The following CNTNAP4 variants were observed in gnomAD, a reference collection of about 807,000 sequenced individuals.
The protein encoded by CNTNAP4 is contactin-associated protein-like 4.
CNTNAP4 carries 98 observed loss-of-function variants against 148.4 expected under a neutral mutation model. The ratio of observed to expected loss-of-function variants is 0.66; its 90% confidence interval spans 0.56 to 0.78. The LOEUF (loss-of-function observed/expected upper bound fraction) is 0.78. CNTNAP4 is among the 30% of genes least tolerant of loss of function. The pLI, the probability that CNTNAP4 is intolerant of heterozygous loss-of-function variation, is 0.00. For synonymous variants in CNTNAP4, 730 were observed against 565.1 expected (o/e 1.29, Z -4.14); for missense variants, 1,935 against 1,565.6 (o/e 1.24, Z -3.98).
intron 1 of CNTNAP4, among the ~76,000 whole-genome samples, chr16:76,298,018 C>T (rs1959496607): frequency 1.3e-5 from 2 of 152,096 alleles, no homozygotes; most frequent in Admixed American, 1.3e-4. Context: ...TATCTTCACC[C>T]GTCTCTTCAC....
chr16:76,535,772 T>C lies in CNTNAP4; in HGVS notation c.2983T>C (p.Phe995Leu), dbSNP rs1169993823. The change falls in exon 18 of 24, where the codon TTC (phenylalanine) becomes CTC (leucine). Residue 995 changes from phenylalanine to leucine, a missense_variant. Physicochemically the swap from Phe to Leu is conservative, Grantham distance 22. Transcript: ENST00000611870. ...CACTTTCTCTGCATACACAGGGCCA[T>C]TCTGCTCAAATGGTAAGTGTGGCAT... ...DCTFSAYTGP[F>L]CSNEISAYFG... 1 of 1,613,656 alleles carries C rather than the reference T, an allele frequency of 6.2e-7. No homozygotes were observed. Among genetic ancestry groups the C allele is most frequent in the African/African-American group, 1.3e-5 (1 of 75,062 alleles).
intron 2 of CNTNAP4, among the ~76,000 whole-genome samples, chr16:76,325,122 A>C (rs1242297936): frequency 6.6e-6 from 1 of 152,212 alleles, no homozygotes; most frequent in East Asian, 1.9e-4. Flanking sequence ...AGTTTTAAAA[A>C]TATGTAAAGG....
chr16:76,521,423 C>A (rs1051511228), intron 16 of CNTNAP4, 113 bp downstream of exon 16: 2 of 825,482 alleles, frequency 2.4e-6, no homozygotes, highest in East Asian at 2.8e-5. Flanking sequence ...CTTTTCATTG[C>A]GCCCCTTTGA....
In CNTNAP4 at chr16:76,540,755, G is replaced by A. The variant is rs1258835947; in HGVS notation, c.3407G>A (p.Ser1136Asn). ...QVHLSSGTEF[S>N]AVKSLVLGRI... ...CACCTGTCATCAGGCACAGAATTCA[G>A]TGCAGTCAAATCTCTGGTATTGGGC... The change falls in exon 21 of 24, where the codon AGT becomes AAT. Residue 1136 changes from serine (S) to asparagine (N), a missense_variant. Coordinates refer to ENST00000611870, the MANE Select transcript of CNTNAP4 (RefSeq NM_033401.5). The A allele has an allele frequency of 1.9e-6, 3 of 1,577,244 alleles. No homozygotes were observed. The Admixed American group carries it at 5.4e-5, about 29-fold the overall frequency.
chr16:76,463,534 T>C (rs988287905), intron 9 of CNTNAP4, among the ~76,000 whole-genome samples: 3 of 152,208 alleles, frequency 2.0e-5, no homozygotes, highest in Non-Finnish European at 2.9e-5. Flanking sequence ...ATACATATGA[T>C]ATACATCATC....
intron 3 of CNTNAP4, among the ~76,000 whole-genome samples, chr16:76,356,267 T>C (rs1399660592): frequency 6.6e-6 from 1 of 152,142 alleles, no homozygotes; most frequent in Non-Finnish European, 1.5e-5. Context: ...CTTTCTCTGG[T>C]ATATGGGGAT....
At chr16:76,428,192 T>C (rs1274296394) in intron 4 of CNTNAP4, among the ~76,000 whole-genome samples, 1 of 152,166 alleles carries the variant, frequency 6.6e-6, no homozygotes, top group Non-Finnish European at 1.5e-5. Flanking sequence ...TGAAGCATTT[T>C]ATTATATATA....
At chr16:76,455,002 A>C (rs1271935466) in intron 8 of CNTNAP4, among the ~76,000 whole-genome samples, 2 of 152,202 alleles carry the variant, frequency 1.3e-5, no homozygotes, top group South Asian at 2.1e-4. Context: ...TATCAGACTA[A>C]ATTTTTAATA....
chr16:76,309,943 G>A (rs1960918230), intron 1 of CNTNAP4: 1 of 700,142 alleles, frequency 1.4e-6, no homozygotes, highest in Non-Finnish European at 2.6e-6. Context: ...TCCCCGTCTC[G>A]GGTATGTCTT....
intron 2 of CNTNAP4, among the ~76,000 whole-genome samples, chr16:76,345,184 A>G (rs1440887090): frequency 6.6e-6 from 1 of 152,168 alleles, no homozygotes; most frequent in Non-Finnish European, 1.5e-5. Context: ...TAATGGATGC[A>G]GCAGTTGTGT....
intron 2 of CNTNAP4, among the ~76,000 whole-genome samples, chr16:76,346,973 A>G (rs1964954454): frequency 6.6e-6 from 1 of 152,196 alleles, no homozygotes; most frequent in Non-Finnish European, 1.5e-5. Context: ...GAACTAAAAC[A>G]GAAGACAATT....
chr16:76,277,592 C>T lies in CNTNAP4; in HGVS notation c.-71C>T. On this transcript the variant is annotated 5_prime_UTR_variant, in exon 1 of 24. Transcript: ENST00000611870. ...GAAGACCCAGACAGAGCTGGCAGAG[C>T]TACTGAGAAGAGGACTGGAGCGCTC... 1.0e-6 allele frequency: 1 copy of T among 1,001,450 alleles called. No individual in the cohort carries two copies. Among genetic ancestry groups the T allele is most frequent in the Admixed American group, 2.0e-5 (1 of 50,090 alleles). The allele number at this position is 1,001,450 out of a possible 1,614,324, so 62.0% of individuals were successfully genotyped here.
intron 3 of CNTNAP4, among the ~76,000 whole-genome samples, chr16:76,394,976 A>T (rs1174728186): frequency 1.3e-5 from 2 of 151,916 alleles, no homozygotes; most frequent in Non-Finnish European, 2.9e-5. Context: ...CTTTCTCCTG[A>T]TGGAGAATTA....
At chr16:76,375,700 A>G (rs1328722125) in intron 3 of CNTNAP4, among the ~76,000 whole-genome samples, 2 of 152,172 alleles carry the variant, frequency 1.3e-5, no homozygotes, top group Non-Finnish European at 2.9e-5. Context: ...GGTAGCAAAC[A>G]TCATGAACAC....
intron 3 of CNTNAP4, among the ~76,000 whole-genome samples, chr16:76,390,981 C>T (rs914398777): frequency 2.0e-5 from 3 of 152,124 alleles, no homozygotes; most frequent in Non-Finnish European, 2.9e-5. Context: ...GGTATCCATT[C>T]ACTCAAGCAC....
At chr16:76,409,379 A>G (rs2078712576) in intron 3 of CNTNAP4, among the ~76,000 whole-genome samples, 2 of 151,988 alleles carry the variant, frequency 1.3e-5, no homozygotes, top group Non-Finnish European at 2.9e-5. Flanking sequence ...AATATGTTTT[A>G]TAAAGTGACT....
intron 21 of CNTNAP4, among the ~76,000 whole-genome samples, chr16:76,550,079 G>A (rs1383299553): frequency 6.6e-6 from 1 of 152,174 alleles, no homozygotes; most frequent in Non-Finnish European, 1.5e-5. Flanking sequence ...GCCAGAAGAT[G>A]CTGGAATAAT....
At chr16:76,479,384 T>C (rs769416567) in intron 11 of CNTNAP4, 35 bp from the exon 12 acceptor site, 25 of 1,540,000 alleles carry the variant, frequency 1.6e-5, no homozygotes, top group Non-Finnish European at 2.1e-5. Flanking sequence ...ATTCATTTCA[T>C]GCTATTCCAT....
intron 3 of CNTNAP4, among the ~76,000 whole-genome samples, chr16:76,375,492 A>C (rs1430078932): frequency 6.6e-6 from 1 of 152,192 alleles, no homozygotes; most frequent in Admixed American, 6.5e-5. Context: ...AGGGCTTTGC[A>C]CTGGGGTCTT....
Sources: gnomAD v4.1 joint callset for allele counts (sites outside exome capture counted in the v4.1 genomes callset) on GRCh38, gnomAD v4.1.1 for gene constraint, MANE v1.5 for transcripts, NCBI Gene and HGNC (gene_info 2026-07-23, HGNC 2026-07-21) for gene names.